The following VAC14 variants were observed in gnomAD, a reference collection of about 807,000 sequenced individuals.
VAC14 encodes the protein VAC14 component of PIKFYVE complex, also known as protein VAC14 homolog.
A neutral mutation model predicts 85.3 loss-of-function variants in VAC14; 47 were observed. The ratio of observed to expected loss-of-function variants is 0.55; its 90% CI spans 0.44 to 0.70. The LOEUF (loss-of-function observed/expected upper bound fraction) is 0.70. Among genes scored for constraint, VAC14 ranks in the 30% least tolerant of loss-of-function variants. VAC14 has a pLI of 0.00. For synonymous variants in VAC14, 447 were observed against 430.5 expected, an observed-to-expected ratio of 1.04 and a Z score of -0.47; for missense variants, 861 against 1,004.3, an observed-to-expected ratio of 0.86 and a Z score of 1.93.
intron 1 of VAC14, among the ~76,000 whole-genome samples, chr16:70,796,870 T>C (rs57875748): frequency 0.037 from 5,594 of 152,148 alleles, 336 homozygotes; most frequent in African/African-American, 0.13. Context: ...TATAAGGAAG[T>C]AATTAAGGTT....
intron 14 of VAC14, among the ~76,000 whole-genome samples, chr16:70,723,239 A>G (rs540860676): frequency 1.4e-5 from 2 of 147,648 alleles, no homozygotes; most frequent in African/African-American, 2.5e-5. Context: ...AAAAAAAAAG[A>G]TTTACCAAGT....
chr16:70,697,280 C>T lies in VAC14; in HGVS notation c.1837-23G>A, dbSNP rs374590830. 68 of 1,591,954 alleles carry T rather than the reference C, an allele frequency of 4.3e-5. No homozygotes were observed. The African/African-American group carries it at 7.1e-4, about 17-fold the overall frequency. On this transcript the variant is annotated intron_variant, in intron 15 of 18. Transcript: ENST00000261776. ...CTCCTGTGGGGGAACAGGCATGAGC[C>T]GTGAGGACACGCCTGCTCCTTGCCC...
intron 13 of VAC14, among the ~76,000 whole-genome samples, chr16:70,731,973 A>T (rs189004450): frequency 4.6e-5 from 7 of 152,236 alleles, no homozygotes; most frequent in Admixed American, 6.5e-5. Context: ...TGATTTTTTT[A>T]AAAAAACAAA....
At chr16:70,786,394 G>C (rs2034061240) in intron 1 of VAC14, 29 bp from the exon 2 acceptor site, 1 of 1,607,816 alleles carries the variant, frequency 6.2e-7, no homozygotes, top group Middle Eastern at 1.7e-4. Flanking sequence ...GGGGCTGTGG[G>C]AATCAGGCTA....
intron 9 of VAC14, chr16:70,779,107 T>A (rs184656763): frequency 6.6e-6 from 1 of 152,244 alleles, no homozygotes; most frequent in Non-Finnish European, 1.5e-5. Context: ...GAACCACCAA[T>A]GCTCCAGCTG....
intron 14 of VAC14, among the ~76,000 whole-genome samples, chr16:70,721,276 T>C (rs1347164245): frequency 1.3e-5 from 2 of 151,088 alleles, no homozygotes; most frequent in Admixed American, 6.6e-5. Flanking sequence ...TCTGCCTGAG[T>C]GGGTGGAGTC....
chr16:70,694,331 C>A (rs1011074162), intron 17 of VAC14, among the ~76,000 whole-genome samples: 1 of 152,172 alleles, frequency 6.6e-6, no homozygotes. Context: ...CTCAGGCGGC[C>A]GTGTGGGTGC....
intron 9 of VAC14, among the ~76,000 whole-genome samples, chr16:70,776,618 T>C (rs1041282157): frequency 4.0e-5 from 6 of 151,868 alleles, no homozygotes; most frequent in Admixed American, 3.3e-4. Context: ...TGTTTTGAGA[T>C]GGGGTCTCGC....
chr16:70,799,876 T>C (rs1335370387), intron 1 of VAC14, among the ~76,000 whole-genome samples: 1 of 152,252 alleles, frequency 6.6e-6, no homozygotes, highest in Non-Finnish European at 1.5e-5. Flanking sequence ...TATTGAACAC[T>C]TGAAATACGG....
chr16:70,695,911 G>C (rs1408390230), intron 16 of VAC14: 1 of 301,096 alleles, frequency 3.3e-6, no homozygotes, highest in African/African-American at 2.1e-5. Flanking sequence ...GTTGGGGGAG[G>C]GCTGGGCAGG....
chr16:70,751,321 G>GGCGGGGAGAGGTGAACTCAGGCTAA (rs1324881557), intron 12 of VAC14, among the ~76,000 whole-genome samples: 4 of 152,248 alleles, frequency 2.6e-5, no homozygotes, highest in African/African-American at 9.6e-5. Flanking sequence ...ACTTGGTACT[G>GGCGGGGAGAGGTGAACTCAGGCTAA]GCGGGGAGAG....
In VAC14 at chr16:70,744,406, T is replaced by G; in HGVS notation, c.1528+17A>C. 1.9e-6 allele frequency: 3 copies of G among 1,613,902 alleles called. No homozygotes were observed. Among genetic ancestry groups the G allele is most frequent in the Non-Finnish European group, 2.5e-6 (3 of 1,179,978 alleles). On this transcript the variant is annotated intron_variant, in intron 13 of 18. Coordinates refer to ENST00000261776, the MANE Select transcript of VAC14 (RefSeq NM_018052.5). ...CACTAAGGCCCCTGAGGCTAGAACCTTCAGGAGAAGACTTACCAGAGGTGT... is the reference window on the plus strand; with the variant it reads ...CACTAAGGCCCCTGAGGCTAGAACCGTCAGGAGAAGACTTACCAGAGGTGT...
intron 15 of VAC14, 82 bp downstream of exon 15, chr16:70,698,555 C>G: frequency 1.3e-6 from 2 of 1,548,332 alleles, no homozygotes; most frequent in Non-Finnish European, 1.8e-6. Context: ...CCTCCTGGGG[C>G]CAGCCGAGGG....
chr16:70,697,958 C>A (rs78094630), intron 15 of VAC14, among the ~76,000 whole-genome samples: 1 of 150,162 alleles, frequency 6.7e-6, no homozygotes, highest in African/African-American at 2.5e-5. Context: ...CCAGGATGAC[C>A]CCTGTCCCCG....
At chr16:70,791,010 C>G (rs751937531) in intron 1 of VAC14, among the ~76,000 whole-genome samples, 1 of 152,198 alleles carries the variant, frequency 6.6e-6, no homozygotes, top group East Asian at 1.9e-4. Context: ...ATCTGTTCCA[C>G]GAATCAAGCC....
In VAC14 at chr16:70,800,913, G is replaced by T; in HGVS notation, c.-13C>A. 1 of 1,569,564 alleles carries T rather than the reference G, an allele frequency of 6.4e-7. No individual in the cohort carries two copies. Among genetic ancestry groups the T allele is most frequent in the East Asian group, 2.4e-5 (1 of 41,038 alleles). ...TCTCGGGGTTCATGGTGGCAGCTGG[G>T]GGAACCTCGCGACTCCTTAGCCCGC... On this transcript the variant is annotated 5_prime_UTR_variant, in exon 1 of 19. Transcript: ENST00000261776.
In VAC14 at chr16:70,756,143, C is replaced by T. The variant is rs936781295; in HGVS notation, c.1371+6397G>A. On this transcript the variant is annotated intron_variant, in intron 12 of 18. Coordinates refer to ENST00000261776, the MANE Select transcript of VAC14 (RefSeq NM_018052.5). Reference sequence around the variant, plus strand: ...ATGAGGCTGGAGAAGGAAAGGGGCACGCTGGGGTGATACACAGGGCTGCTT... The same window carrying T: ...ATGAGGCTGGAGAAGGAAAGGGGCATGCTGGGGTGATACACAGGGCTGCTT... The T allele has an allele frequency of 2.0e-4, 91 of 455,388 alleles. No homozygotes were observed. The East Asian group carries it at 2.3e-3, about 11-fold the overall frequency. 28.2% of individuals were successfully genotyped at this position (455,388 alleles called of 1,614,324 possible).
At chr16:70,713,071 C>T (rs896885805) in intron 14 of VAC14, among the ~76,000 whole-genome samples, 28 of 152,086 alleles carry the variant, frequency 1.8e-4, no homozygotes, top group Non-Finnish European at 1.5e-5. Flanking sequence ...GCTTCAAAGG[C>T]GTATGTTTCA....
chr16:70,776,227 A>C (rs1468796713), intron 9 of VAC14, among the ~76,000 whole-genome samples: 3 of 152,134 alleles, frequency 2.0e-5, no homozygotes, highest in Non-Finnish European at 4.4e-5. Context: ...CAGTCTCCCA[A>C]GTAGCTGTGA....
Sources: allele counts gnomAD v4.1 joint callset (sites outside exome capture counted in the v4.1 genomes callset), GRCh38; gene constraint gnomAD v4.1.1; transcripts MANE v1.5; gene names NCBI Gene and HGNC (gene_info 2026-07-23, HGNC 2026-07-21).